The following CCDC175 variants were observed in gnomAD, a reference collection of about 807,000 sequenced individuals.
CCDC175 encodes coiled-coil domain containing 175.
In CCDC175, 100 loss-of-function variants were observed where a neutral mutation model predicts 114.6. The observed-to-expected ratio is 0.87, with a 90% CI of 0.74 to 1.03. The LOEUF (loss-of-function observed/expected upper bound fraction) is 1.03. Among genes scored for constraint, CCDC175 ranks in the 50% least tolerant of loss-of-function variants. CCDC175 has a pLI of 0.00. For synonymous variants in CCDC175, 306 were observed against 308.7 expected (o/e 0.99, Z 0.09); for missense variants, 880 against 917.8 (o/e 0.96, Z 0.53).
At chr14:59,512,176 G>C (rs547064533) in intron 17 of CCDC175, among the ~76,000 whole-genome samples, 3 of 152,306 alleles carry the variant, frequency 2.0e-5, no homozygotes, top group African/African-American at 7.2e-5. Flanking sequence ...ACTGAATCCA[G>C]CAATAGACAA....
In CCDC175 at chr14:59,576,762, G is replaced by A. The variant is rs951102484; in HGVS notation, c.14C>T (p.Pro5Leu). The change falls in exon 1 of 20, where the codon CCC becomes CTC. Residue 5 changes from proline to leucine, a missense_variant. Pro to Leu is a moderately conservative substitution (Grantham distance 98). Transcript: ENST00000537690. ...GCCAGCGCCCAGCCCTGGGGTCCAG[G>A]GGCTCAGGGCCATTTTGCCGCTCTA... MALS[P>L]WTPGLGAGEK... 3.5e-6 allele frequency: 5 copies of A among 1,447,526 alleles called. No homozygotes were observed. The highest frequency in any genetic ancestry group is 1.4e-5 in the South Asian group (1 of 71,112). 89.7% of individuals were successfully genotyped at this position (1,447,526 alleles called of 1,614,324 possible). A position where few individuals can be genotyped will look rare whatever the true frequency, so the allele number is the denominator to read the frequency against.
chr14:59,520,240 T>C (rs1198497571), intron 17 of CCDC175, among the ~76,000 whole-genome samples: 1 of 152,202 alleles, frequency 6.6e-6, no homozygotes, highest in Non-Finnish European at 1.5e-5. Flanking sequence ...CAAGTTACAA[T>C]CACAATGAAA....
chr14:59,545,116 C>A (rs1371956459), intron 9 of CCDC175, 47 bp downstream of exon 9: 1 of 1,508,132 alleles, frequency 6.6e-7, no homozygotes, highest in Non-Finnish European at 8.8e-7. Flanking sequence ...AAGAAAAGCA[C>A]CCCATAATGA....
intron 19 of CCDC175, among the ~76,000 whole-genome samples, chr14:59,509,587 A>T (rs1892638779): frequency 6.6e-6 from 1 of 152,156 alleles, no homozygotes; most frequent in South Asian, 2.1e-4. Flanking sequence ...ATCATGGCTA[A>T]CTGCAGGCTC....
chr14:59,541,453 A>G (rs942272942), intron 10 of CCDC175, among the ~76,000 whole-genome samples: 2 of 152,220 alleles, frequency 1.3e-5, no homozygotes, highest in African/African-American at 2.4e-5. Flanking sequence ...TGAAAGCCAC[A>G]TAAGTAAAAT....
intron 1 of CCDC175, among the ~76,000 whole-genome samples, chr14:59,575,505 CTTTTTTTTTT>C (rs58872671): frequency 3.0e-5 from 3 of 98,414 alleles, no homozygotes; most frequent in African/African-American, 1.1e-4. Context: ...GGTAACATTC[CTTTTTTTTTT>C]TTTTTTTTTT....
chr14:59,540,221 G>A (rs1266066682), intron 11 of CCDC175, among the ~76,000 whole-genome samples: 1 of 152,112 alleles, frequency 6.6e-6, no homozygotes, highest in Non-Finnish European at 1.5e-5. Flanking sequence ...GGTAGATACT[G>A]TTATCCTTCC....
intron 7 of CCDC175, among the ~76,000 whole-genome samples, chr14:59,554,459 T>C (rs1277621256): frequency 6.6e-6 from 1 of 152,268 alleles, no homozygotes; most frequent in Non-Finnish European, 1.5e-5. Flanking sequence ...GGGACACATT[T>C]AAAGCAGTAT....
chr14:59,531,611 T>C (rs1049047570), intron 14 of CCDC175, among the ~76,000 whole-genome samples, 161 bp downstream of exon 14: 2 of 152,166 alleles, frequency 1.3e-5, no homozygotes, highest in African/African-American at 4.8e-5. Context: ...GAGGAGAAAT[T>C]AGTAGGTGAA....
intron 19 of CCDC175, among the ~76,000 whole-genome samples, chr14:59,506,271 A>G (rs1007527833): frequency 6.8e-6 from 1 of 146,576 alleles, no homozygotes; most frequent in South Asian, 2.2e-4. Flanking sequence ...GTTTGAGCAC[A>G]GGGATTTTTT....
rs1198700435 is a variant in CCDC175 at position 59,553,232 on chromosome 14, C to T, written c.954-1796G>A. On this transcript the variant is annotated intron_variant, in intron 7 of 19. Transcript: ENST00000537690. The stretch of plus-strand genomic sequence containing the variant: ...CCAGAGAGAAAGGTTGGGTTACCCA[C>T]AAAGGGAAGCCCAGCAGATTAACAG... Among the ~76,000 whole-genome samples the T allele has an allele frequency of 3.3e-5, 5 of 152,186 alleles. No individual in the cohort carries two copies. In the South Asian group the frequency reaches 1.0e-3, roughly 32 times the overall value.
At position 59,576,647 on chromosome 14, in the gene CCDC175, G is replaced by A; in HGVS notation, c.129C>T (p.Val43=). ...CAACAAACAGCTGCTCCAGCGCCTC[G>A]ACCGCGACCGAGGAGCCCAGGGTGG... The part of the protein sequence containing the change: ...LPSTLGSSVA[V]EALEQLFVVE... The change falls in exon 1 of 20, where the codon GTC becomes GTT. Residue 43 remains valine (V), a synonymous_variant. Coordinates refer to ENST00000537690, the MANE Select transcript of CCDC175 (RefSeq NM_001164399.2). 4 of 1,472,460 alleles carry A rather than the reference G, an allele frequency of 2.7e-6. No individual in the cohort carries two copies. The highest frequency in any genetic ancestry group is 3.6e-6 in the Non-Finnish European group (4 of 1,119,654). The allele number at this position is 1,472,460 out of a possible 1,614,324, so 91.2% of individuals were successfully genotyped here.
At chr14:59,552,559 A>G (rs34870170) in intron 7 of CCDC175, among the ~76,000 whole-genome samples, 88,655 of 151,928 alleles carry the variant, frequency 0.58, 26,783 homozygotes, top group East Asian at 0.83. Context: ...AAATCAGAGC[A>G]CCTCCCCCCC....
intron 17 of CCDC175, among the ~76,000 whole-genome samples, chr14:59,516,390 T>C (rs1040363950): frequency 2.0e-5 from 3 of 152,164 alleles, no homozygotes; most frequent in Non-Finnish European, 4.4e-5. Flanking sequence ...GCTGGTTTTT[T>C]GAAAAGATCA....
chr14:59,509,394 A>G (rs1892627044), intron 19 of CCDC175, among the ~76,000 whole-genome samples: 1 of 152,230 alleles, frequency 6.6e-6, no homozygotes, highest in Non-Finnish European at 1.5e-5. Context: ...TTTGCAGCTA[A>G]GAGGGTTTAC....
At chr14:59,509,855 A>G (rs941846886) in intron 19 of CCDC175, among the ~76,000 whole-genome samples, 1 of 152,156 alleles carries the variant, frequency 6.6e-6, no homozygotes, top group African/African-American at 2.4e-5. Context: ...TACCTTCAAA[A>G]TTGCTTATCT....
intron 7 of CCDC175, 123 bp from the exon 8 acceptor site, chr14:59,551,559 G>A: frequency 2.0e-6 from 1 of 503,338 alleles, no homozygotes; most frequent in Non-Finnish European, 3.5e-6. Flanking sequence ...GAAGATGGGT[G>A]ATTTCTGCAT....
At chr14:59,526,956 T>A in intron 15 of CCDC175, 139 bp downstream of exon 15, 1 of 530,262 alleles carries the variant, frequency 1.9e-6, no homozygotes, top group Non-Finnish European at 3.3e-6. Flanking sequence ...TAACAAAGAT[T>A]GTTAAACATT....
rs577588867 is a variant in CCDC175 at position 59,570,774 on chromosome 14, C to T, written c.355+1928G>A. On this transcript the variant is annotated intron_variant, in intron 3 of 19. Transcript: ENST00000537690. ...GTTTTTGTTTTGAGATGAAGTCTCG[C>T]TCTGTCACCCAAGCTGGACTGCAGT... 1.2e-3 allele frequency among the ~76,000 whole-genome samples: 178 copies of T among 152,168 alleles called. 2 individuals carry two copies. Among genetic ancestry groups the T allele is most frequent in the Non-Finnish European group, 1.1e-3 (74 of 67,988 alleles).
Sources: allele counts gnomAD v4.1 joint callset (sites outside exome capture counted in the v4.1 genomes callset), GRCh38; gene constraint gnomAD v4.1.1; transcripts MANE v1.5; gene names NCBI Gene and HGNC (gene_info 2026-07-23, HGNC 2026-07-21).